UPP2: variants seen among roughly 807,000 people sequenced by gnomAD.
The protein encoded by UPP2 is UPase 2.
Under a neutral mutation model 26.7 loss-of-function variants are expected in UPP2, and 23 were observed. The ratio of observed to expected loss-of-function variants is 0.86; its 90% CI spans 0.62 to 1.22. UPP2 has a LOEUF of 1.22. UPP2 is among the 50% of genes most tolerant of loss of function. The pLI, the probability that UPP2 is intolerant of heterozygous loss-of-function variation, is 0.00. For missense variants in UPP2, 387 were observed against 396.7 expected, an observed-to-expected ratio of 0.98 and a Z score of 0.21; for synonymous variants, 127 against 141.3, an observed-to-expected ratio of 0.90 and a Z score of 0.72.
chr2:158,084,309 A>T (rs370634513), intron 3 of UPP2, among the ~76,000 whole-genome samples: 41 of 152,148 alleles, frequency 2.7e-4, no homozygotes, highest in African/African-American at 9.6e-4. Flanking sequence ...ACCTTCTTGA[A>T]TAGAATTGTC....
At chr2:158,106,319 C>A in intron 2 of UPP2, 103 bp downstream of exon 2, 1 of 904,306 alleles carries the variant, frequency 1.1e-6, no homozygotes, top group Non-Finnish European at 1.7e-6. Flanking sequence ...AGCACAGTCC[C>A]AATAGGAACT....
At chr2:158,034,261 G>A (rs1001546635) in intron 3 of UPP2, among the ~76,000 whole-genome samples, 10 of 152,190 alleles carry the variant, frequency 6.6e-5, no homozygotes, top group African/African-American at 2.4e-4. Flanking sequence ...TCTCAAGTCT[G>A]CTCTCTGTGG....
In UPP2 at chr2:158,095,186, TAA is replaced by T. The variant is rs576221542; in HGVS notation, c.148-6852_148-6851del. ...TGATGAGCCTGAGATGAGTTAATCG[TAA>T]AGTGTGTGTGAGAGACATTTTAAGG... On this transcript the variant is annotated intron_variant, in intron 3 of 9. Coordinates refer to the UPP2 transcript ENST00000605860. 8.8e-4 allele frequency among the ~76,000 whole-genome samples: 134 copies of T among 152,294 alleles called. No individual in the cohort carries two copies. The Middle Eastern group carries it at 0.01, about 12-fold the overall frequency.
intron 3 of UPP2, among the ~76,000 whole-genome samples, chr2:158,016,156 T>A (rs1396071105): frequency 5.3e-5 from 8 of 151,802 alleles, no homozygotes; most frequent in East Asian, 3.9e-4. Flanking sequence ...ATTTTTTTTT[T>A]AAATTACTTT....
intron 2 of UPP2, among the ~76,000 whole-genome samples, chr2:158,002,902 A>C (rs1322992940): frequency 6.7e-6 from 1 of 148,272 alleles, no homozygotes; most frequent in Non-Finnish European, 1.5e-5. Context: ...TCCTGGTACA[A>C]TTTTTTTTTT....
intron 2 of UPP2, among the ~76,000 whole-genome samples, chr2:158,010,769 T>TCTTTTTTC (rs199856105): frequency 2.3e-5 from 3 of 133,092 alleles, no homozygotes; most frequent in Non-Finnish European, 1.6e-5. Flanking sequence ...TTTTCTTTTT[T>TCTTTTTTC]TTTTTTTTTT....
At chr2:158,038,543 AT>A (rs1236521420) in intron 3 of UPP2, among the ~76,000 whole-genome samples, 1 of 152,294 alleles carries the variant, frequency 6.6e-6, no homozygotes, top group East Asian at 1.9e-4. Context: ...GACAGCTAAT[AT>A]TTTTTTCCAG....
At chr2:158,068,612 G>T (rs1682475490) in intron 3 of UPP2, among the ~76,000 whole-genome samples, 1 of 151,244 alleles carries the variant, frequency 6.6e-6, no homozygotes, top group Non-Finnish European at 1.5e-5. Context: ...GTAAAATGAA[G>T]TGGTTAAATG....
intron 6 of UPP2, among the ~76,000 whole-genome samples, chr2:158,126,068 A>G (rs1683687268): frequency 6.6e-6 from 1 of 152,216 alleles, no homozygotes; most frequent in Admixed American, 6.5e-5. Context: ...CTGGCAGCCA[A>G]GAAGAGTTCT....
intron 6 of UPP2, among the ~76,000 whole-genome samples, chr2:158,124,536 G>A (rs1310058583): frequency 6.6e-6 from 1 of 152,218 alleles, no homozygotes; most frequent in East Asian, 1.9e-4. Context: ...GATCTGACCT[G>A]TGTGTTAACA....
At chr2:158,108,834 C>T (rs1434859121) in intron 2 of UPP2, among the ~76,000 whole-genome samples, 1 of 151,288 alleles carries the variant, frequency 6.6e-6, no homozygotes, top group Non-Finnish European at 1.5e-5. Flanking sequence ...TGTTTTATCC[C>T]ATCAAACAGC....
intron 3 of UPP2, among the ~76,000 whole-genome samples, chr2:158,074,029 T>C (rs1380692579): frequency 1.3e-5 from 2 of 152,112 alleles, no homozygotes; most frequent in African/African-American, 4.8e-5. Flanking sequence ...TATTTAAAAA[T>C]TAGCTGGGTG....
intron 3 of UPP2, among the ~76,000 whole-genome samples, chr2:158,024,904 C>T (rs537280035): frequency 2.6e-5 from 4 of 151,854 alleles, no homozygotes; most frequent in African/African-American, 9.7e-5. Context: ...GGTGCATAAT[C>T]AAGATCAGAA....
chr2:158,115,235 A>G lies in UPP2; in HGVS notation c.315A>G (p.Lys105=). ...GGACAGACAGATACTGTATGTACAA[A>G]ACCGGGCCTGTGCTCGCCATCAGTG... ...CAGTDRYCMY[K]TGPVLAISHG... Residue 105 remains lysine, a synonymous_variant, in exon 3 of 7, where the codon AAA becomes AAG. Transcript: ENST00000005756. 6.2e-7 allele frequency: 1 copy of G among 1,611,130 alleles called. No homozygotes were observed. The highest frequency in any genetic ancestry group is 8.5e-7 in the Non-Finnish European group (1 of 1,178,824).
chr2:158,008,300 G>A (rs1242743538), intron 2 of UPP2, among the ~76,000 whole-genome samples: 1 of 152,180 alleles, frequency 6.6e-6, no homozygotes, highest in Non-Finnish European at 1.5e-5. Flanking sequence ...CAGCTTATTA[G>A]AAATAAGCCA....
chr2:158,000,299 C>T (rs1313243349), intron 2 of UPP2, among the ~76,000 whole-genome samples: 13 of 152,118 alleles, frequency 8.5e-5, no homozygotes. Context: ...CTGATCACTG[C>T]CCAGCTGAAG....
intron 3 of UPP2, among the ~76,000 whole-genome samples, chr2:158,086,097 G>C (rs547079415): frequency 2.0e-4 from 30 of 152,128 alleles, no homozygotes; most frequent in African/African-American, 7.2e-4. Context: ...TTCTTTGAAT[G>C]TCTGATAGAA....
chr2:158,002,486 G>C (rs967162036), intron 2 of UPP2, among the ~76,000 whole-genome samples: 6 of 152,214 alleles, frequency 3.9e-5, no homozygotes, highest in African/African-American at 1.2e-4. Flanking sequence ...ACTTAGCCAA[G>C]GTAAGAGGAA....
chr2:158,102,048 T>G lies in UPP2; in HGVS notation c.-16T>G. 6.2e-7 allele frequency: 1 copy of G among 1,612,634 alleles called. No homozygotes were observed. The highest frequency in any genetic ancestry group is 1.7e-5 in the Admixed American group (1 of 59,832). On this transcript the variant is annotated 5_prime_UTR_variant, in exon 1 of 7. Coordinates refer to ENST00000005756, the MANE Select transcript of UPP2 (RefSeq NM_173355.4). ...CTTGACATCAATTTAAGGTGACTTT[T>G]CACATAGTAGAGAGAATGGCTTCAG...
Sources: allele counts gnomAD v4.1 joint callset (sites outside exome capture counted in the v4.1 genomes callset), GRCh38; gene constraint gnomAD v4.1.1; transcripts MANE v1.5; gene names NCBI Gene and HGNC (gene_info 2026-07-23, HGNC 2026-07-21).